Variants in SOX5 observed in about 807,000 individuals in gnomAD.
SOX5 encodes SRY-box transcription factor 5, also known as transcription factor SOX-5.
A neutral mutation model predicts 92.0 loss-of-function variants in SOX5; 9 were observed. That is an observed-to-expected ratio of 0.10 (90% confidence interval 0.06 to 0.17). The LOEUF is 0.17. Among genes scored for constraint, SOX5 ranks in the 10% least tolerant of loss-of-function variants. SOX5 has a pLI of 1.00. For synonymous variants in SOX5, 344 were observed against 336.3 expected (o/e 1.02, Z -0.25); for missense variants, 642 against 944.5 (o/e 0.68, Z 4.20).
chr12:23,805,298 T>C (rs2095749605), intron 3 of SOX5, among the ~76,000 whole-genome samples: 1 of 151,980 alleles, frequency 6.6e-6, no homozygotes, highest in Non-Finnish European at 1.5e-5. Flanking sequence ...TTTTTCTATC[T>C]ATAGTGGTAT....
intron 1 of SOX5, among the ~76,000 whole-genome samples, chr12:24,485,596 T>C (rs1265852960): frequency 6.6e-6 from 1 of 152,180 alleles, no homozygotes; most frequent in Non-Finnish European, 1.5e-5. Context: ...CCTTCCCATT[T>C]GTTGTGATGA....
chr12:23,951,618 T>A (rs981782358), upstream of SOX5, among the ~76,000 whole-genome samples: 2 of 150,476 alleles, frequency 1.3e-5, no homozygotes, highest in South Asian at 2.1e-4. Context: ...TAATATTTAA[T>A]TCTATCATCA....
chr12:24,253,551 A>G (rs1940584377), intron 3 of SOX5, among the ~76,000 whole-genome samples: 1 of 152,226 alleles, frequency 6.6e-6, no homozygotes, highest in Admixed American at 6.5e-5. Flanking sequence ...GAGCATAGTT[A>G]CTATTTGTAA....
At chr12:23,558,031 A>G (rs1343691033) in intron 11 of SOX5, among the ~76,000 whole-genome samples, 2 of 151,828 alleles carry the variant, frequency 1.3e-5, no homozygotes, top group African/African-American at 4.8e-5. Flanking sequence ...AAAGATAGAT[A>G]GATGGTAACA....
chr12:24,278,904 T>A (rs1944830758), intron 2 of SOX5, among the ~76,000 whole-genome samples: 1 of 151,530 alleles, frequency 6.6e-6, no homozygotes. Context: ...GTTAAGTGAA[T>A]TGTCTCATCT....
At chr12:24,105,168 A>G (rs543198188) in intron 4 of SOX5, among the ~76,000 whole-genome samples, 13 of 152,258 alleles carry the variant, frequency 8.5e-5, no homozygotes, top group African/African-American at 3.1e-4. Context: ...CTTGCCCCTA[A>G]AGCACATTTG....
intron 4 of SOX5, among the ~76,000 whole-genome samples, chr12:24,025,704 C>G (rs1434670334): frequency 1.3e-5 from 2 of 151,858 alleles, no homozygotes; most frequent in African/African-American, 2.4e-5. Context: ...TGTCAAAATG[C>G]CAATAAAACT....
intron 4 of SOX5, among the ~76,000 whole-genome samples, chr12:24,161,103 C>T (rs966364727): frequency 6.6e-6 from 1 of 152,070 alleles, no homozygotes. Flanking sequence ...TGTTCCTACG[C>T]TGAGGTATTG....
At chr12:24,084,691 G>A (rs960460142) in intron 4 of SOX5, among the ~76,000 whole-genome samples, 1 of 151,988 alleles carries the variant, frequency 6.6e-6, no homozygotes, top group African/African-American at 2.4e-5. Context: ...AGTTTCAAAA[G>A]TGGTGCTCCT....
At chr12:24,120,961 C>T (rs1173079024) in intron 4 of SOX5, among the ~76,000 whole-genome samples, 2 of 152,124 alleles carry the variant, frequency 1.3e-5, no homozygotes, top group East Asian at 3.9e-4. Context: ...CAGGTGATCT[C>T]CAGATTCCCA....
intron 3 of SOX5, among the ~76,000 whole-genome samples, chr12:23,795,335 T>G (rs916559640): frequency 7.2e-5 from 11 of 152,262 alleles, no homozygotes; most frequent in African/African-American, 2.4e-4. Context: ...TAAAAAATTC[T>G]GGCAACAGAT....
intron 4 of SOX5, among the ~76,000 whole-genome samples, chr12:23,979,049 T>A (rs1949222595): frequency 6.6e-6 from 1 of 152,156 alleles, no homozygotes. Context: ...ATGAAAAATG[T>A]GATAAATAGT....
At chr12:23,566,991 T>C (rs773137447) in intron 10 of SOX5, among the ~76,000 whole-genome samples, 1 of 152,236 alleles carries the variant, frequency 6.6e-6, no homozygotes, top group Non-Finnish European at 1.5e-5. Flanking sequence ...AAGGAAGAGA[T>C]AGCACTTGGT....
rs1946598565 is a variant in SOX5 at position 23,959,061 on chromosome 12, A to G, written c.-1-63037T>C. On this transcript the variant is annotated intron_variant, in intron 4 of 4. Transcript: ENST00000446891. ...ATGAAAAGACATACCAAGTTCCTCA[A>G]TAGGTAGCATCAATGTCATAAAAAT... Among the ~76,000 whole-genome samples, 4 of 152,034 alleles carry G rather than the reference A, an allele frequency of 2.6e-5. No individual in the cohort carries two copies. The South Asian group carries it at 8.3e-4, about 32-fold the overall frequency.
intron 4 of SOX5, among the ~76,000 whole-genome samples, chr12:24,038,612 G>C (rs566847286): frequency 6.6e-6 from 1 of 151,938 alleles, no homozygotes; most frequent in East Asian, 1.9e-4. Context: ...AGTGGTCCAC[G>C]TAGAGCACAA....
intron 10 of SOX5, among the ~76,000 whole-genome samples, chr12:23,573,681 G>A (rs1202551377): frequency 2.6e-5 from 4 of 152,114 alleles, no homozygotes; most frequent in African/African-American, 4.8e-5. Flanking sequence ...AGTTGGGCTG[G>A]ACTTAATGAT....
At chr12:24,479,179 C>A (rs1190983708) in intron 1 of SOX5, among the ~76,000 whole-genome samples, 1 of 151,022 alleles carries the variant, frequency 6.6e-6, no homozygotes, top group Non-Finnish European at 1.5e-5. Context: ...TGTTTAAATT[C>A]CATGCATTCC....
intron 3 of SOX5, among the ~76,000 whole-genome samples, chr12:24,265,724 C>G (rs1273481766): frequency 3.3e-5 from 5 of 152,114 alleles, no homozygotes; most frequent in African/African-American, 7.2e-5. Flanking sequence ...GTAGGTAAAG[C>G]ATTTTAGTGT....
chr12:24,063,914 G>A (rs1470393879), intron 4 of SOX5, among the ~76,000 whole-genome samples: 1 of 152,144 alleles, frequency 6.6e-6, no homozygotes, highest in Non-Finnish European at 1.5e-5. Context: ...CTAGGTCAAT[G>A]AGGTAATAAG....
Sources: allele counts gnomAD v4.1 joint callset (sites outside exome capture counted in the v4.1 genomes callset), GRCh38; gene constraint gnomAD v4.1.1; transcripts MANE v1.5; gene names NCBI Gene and HGNC (gene_info 2026-07-23, HGNC 2026-07-21).